Variants in LASP1 observed in about 807,000 individuals in gnomAD.
LASP1 encodes LIM and SH3 domain protein 1.
Under a neutral mutation model 38.6 loss-of-function variants are expected in LASP1, and 10 were observed. The observed-to-expected ratio is 0.26, with a 90% CI of 0.16 to 0.44. The LOEUF is 0.44. Among genes scored for constraint, LASP1 ranks in the 20% least tolerant of loss-of-function variants. The probability of loss-of-function intolerance (pLI) is 1.00; values close to 1 mark genes in which losing one functional copy is unlikely to be tolerated. For synonymous variants in LASP1, 132 were observed against 140.8 expected (o/e 0.94, Z 0.44); for missense variants, 243 against 375.7 (o/e 0.65, Z 2.92).
intron 2 of LASP1, 71 bp downstream of exon 2, chr17:38,878,251 T>C: frequency 1.0e-6 from 1 of 993,228 alleles, no homozygotes; most frequent in Non-Finnish European, 1.6e-6. Flanking sequence ...CTTCCTTTCC[T>C]TCCAATAACC....
At chr17:38,888,727 G>A (rs548888952) in intron 2 of LASP1, among the ~76,000 whole-genome samples, 59 of 152,368 alleles carry the variant, frequency 3.9e-4, no homozygotes, top group African/African-American at 1.4e-3. Context: ...TGATAAATAA[G>A]TTAATTATGA....
chr17:38,915,089 C>T lies in LASP1; in HGVS notation c.555C>T (p.Gly185=), dbSNP rs762410057. The stretch of plus-strand genomic sequence containing the variant: ...AGCCGGTGGCCCAGTCCTATGGTGG[C>T]TACAAGGAGCCTGCAGCCCCAGTCT... ...QQQPVAQSYG[G]YKEPAAPVSI... The change falls in exon 6 of 7, where the codon GGC becomes GGT. Residue 185 remains glycine (G), a synonymous_variant. Coordinates refer to ENST00000318008, the MANE Select transcript of LASP1 (RefSeq NM_006148.4). 10 of 1,613,950 alleles carry T rather than the reference C, an allele frequency of 6.2e-6. No individual in the cohort carries two copies. Among genetic ancestry groups the T allele is most frequent in the Non-Finnish European group, 8.5e-6 (10 of 1,179,980 alleles).
At chr17:38,874,315 CG>C (rs1481582030) in intron 1 of LASP1, among the ~76,000 whole-genome samples, 3 of 152,180 alleles carry the variant, frequency 2.0e-5, no homozygotes, top group African/African-American at 7.2e-5. Flanking sequence ...CAGAGGCAGA[CG>C]GGGTCACTGT....
At chr17:38,887,339 C>T (rs1198427154) in intron 2 of LASP1, among the ~76,000 whole-genome samples, 1 of 152,188 alleles carries the variant, frequency 6.6e-6, no homozygotes, top group African/African-American at 2.4e-5. Flanking sequence ...TGAAGCGCTC[C>T]CTCTTAGGGC....
chr17:38,893,692 A>G (rs1167384240), intron 3 of LASP1, among the ~76,000 whole-genome samples: 3 of 152,150 alleles, frequency 2.0e-5, no homozygotes, highest in African/African-American at 2.4e-5. Flanking sequence ...CTTCCTCACC[A>G]GTAAAATGAG....
At chr17:38,908,618 G>A (rs1414804877) in intron 4 of LASP1, among the ~76,000 whole-genome samples, 1 of 152,220 alleles carries the variant, frequency 6.6e-6, no homozygotes, top group South Asian at 2.1e-4. Context: ...AAGGGAGGGG[G>A]CCGGGAAAGG....
chr17:38,888,815 T>C (rs189379757), intron 2 of LASP1, among the ~76,000 whole-genome samples: 87 of 152,364 alleles, frequency 5.7e-4, no homozygotes, highest in African/African-American at 1.9e-3. Context: ...CAGAGTCTTC[T>C]GGAGGTCTCT....
intron 4 of LASP1, among the ~76,000 whole-genome samples, chr17:38,911,018 C>T (rs1051229169): frequency 1.3e-5 from 2 of 152,152 alleles, no homozygotes; most frequent in East Asian, 1.9e-4. Context: ...TCACCGCGCC[C>T]GGCCAGGAGA....
chr17:38,881,846 G>T (rs914086302), intron 2 of LASP1, among the ~76,000 whole-genome samples: 1 of 152,242 alleles, frequency 6.6e-6, no homozygotes, highest in African/African-American at 2.4e-5. Context: ...GGCTGGTCAA[G>T]AAAGAAGAAA....
intron 3 of LASP1, among the ~76,000 whole-genome samples, chr17:38,892,499 C>T (rs1266630501): frequency 6.6e-6 from 1 of 151,908 alleles, no homozygotes; most frequent in Non-Finnish European, 1.5e-5. Context: ...GGTGGAGGGG[C>T]TCAGAAGGAC....
chr17:38,879,358 G>A (rs931513460), intron 2 of LASP1, among the ~76,000 whole-genome samples: 2 of 151,420 alleles, frequency 1.3e-5, no homozygotes, highest in Non-Finnish European at 1.5e-5. Context: ...GGGTTTCACC[G>A]TGTTGGCCAG....
rs1913571362 is a variant in LASP1 at position 38,870,596 on chromosome 17, A to G, written c.69+338A>G. Among the ~76,000 whole-genome samples the G allele has an allele frequency of 5.3e-5, 8 of 150,310 alleles. No individual in the cohort carries two copies. The South Asian group carries it at 1.7e-3, about 32-fold the overall frequency. On this transcript the variant is annotated intron_variant, in intron 1 of 6. Transcript: ENST00000318008. ...TGCAGTCCCGCCCCCTACGGCCTGG[A>G]GAGTGAGAAGAGACGGCCGCTCCCT...
intron 4 of LASP1, among the ~76,000 whole-genome samples, chr17:38,910,635 G>A (rs1426318422): frequency 6.6e-6 from 1 of 151,504 alleles, no homozygotes; most frequent in Non-Finnish European, 1.5e-5. Context: ...GCATATTCCA[G>A]AACCCCAGCC....
chr17:38,917,856 A>AT (rs1343658919), intron 6 of LASP1, among the ~76,000 whole-genome samples: 2 of 151,790 alleles, frequency 1.3e-5, no homozygotes, highest in African/African-American at 4.8e-5. Flanking sequence ...AGCCTAACTA[A>AT]TTTTTTATTT....
Position 38,893,754 on chromosome 17 carries a change from C to T in LASP1, c.249+3250C>T, listed in dbSNP as rs533753952. On this transcript the variant is annotated intron_variant, in intron 3 of 6. Coordinates refer to ENST00000318008, the MANE Select transcript of LASP1 (RefSeq NM_006148.4). ...GGGGGCTGGGCCTGATGCTTTGAGG[C>T]TTGGAAGGGCTGAGCCGGCCAGGCT... Among the ~76,000 whole-genome samples, 12 of 152,332 alleles carry T rather than the reference C, an allele frequency of 7.9e-5. No individual in the cohort carries two copies. The East Asian group carries it at 2.3e-3, about 29-fold the overall frequency.
intron 2 of LASP1, among the ~76,000 whole-genome samples, chr17:38,879,120 T>C (rs1418739225): frequency 2.0e-5 from 3 of 151,674 alleles, no homozygotes; most frequent in Non-Finnish European, 2.9e-5. Flanking sequence ...AAGTCACTTA[T>C]AAGTAATGAT....
At chr17:38,910,237 A>G (rs1489844056) in intron 4 of LASP1, among the ~76,000 whole-genome samples, 1 of 152,226 alleles carries the variant, frequency 6.6e-6, no homozygotes, top group Non-Finnish European at 1.5e-5. Flanking sequence ...TTTTTTCTGT[A>G]AAGGGCCAGG....
At chr17:38,873,561 C>T (rs531659919) in intron 1 of LASP1, among the ~76,000 whole-genome samples, 1 of 152,286 alleles carries the variant, frequency 6.6e-6, no homozygotes, top group South Asian at 2.1e-4. Context: ...ATTTTATTTA[C>T]ATCTCATTTG....
chr17:38,892,078 G>C (rs1334719889), intron 3 of LASP1, among the ~76,000 whole-genome samples: 1 of 152,218 alleles, frequency 6.6e-6, no homozygotes, highest in Non-Finnish European at 1.5e-5. Context: ...GATGGGGTGA[G>C]ACCCTGTCTC....
Sources: allele counts gnomAD v4.1 joint callset (sites outside exome capture counted in the v4.1 genomes callset), GRCh38; gene constraint gnomAD v4.1.1; transcripts MANE v1.5; gene names NCBI Gene and HGNC (gene_info 2026-07-23, HGNC 2026-07-21).